ESRRG: variants seen among roughly 807,000 people sequenced by gnomAD.
ESRRG encodes the protein estrogen related receptor gamma, also known as estrogen-related receptor gamma.
A neutral mutation model predicts 44.0 loss-of-function variants in ESRRG; 13 were observed. The ratio of observed to expected loss-of-function variants is 0.30; its 90% CI spans 0.19 to 0.47. The LOEUF is 0.47. Ranked by LOEUF, ESRRG falls within the 20% of genes least tolerant of loss-of-function variation. ESRRG has a pLI of 1.00. For missense variants in ESRRG, 395 were observed against 580.6 expected, an observed-to-expected ratio of 0.68 and a Z score of 3.29; for synonymous variants, 215 against 214.6, an observed-to-expected ratio of 1.00 and a Z score of -0.02.
In ESRRG at chr1:216,640,841, G is replaced by T. The variant is rs80117607; in HGVS notation, c.589+10132C>A. The stretch of plus-strand genomic sequence containing the variant: ...CGTTGGTGACAAGGAACAAAAATCT[G>T]TTGTTTGAAGGCTGGTGGGGAAAAA... On this transcript the variant is annotated intron_variant, in intron 3 of 6. Transcript: ENST00000408911. 2.6e-5 allele frequency among the ~76,000 whole-genome samples: 4 copies of T among 152,268 alleles called. No homozygotes were observed. In the East Asian group the frequency reaches 7.7e-4, roughly 29 times the overall value.
chr1:216,722,531 G>A (rs557068287), intron 1 of ESRRG, among the ~76,000 whole-genome samples: 1 of 151,730 alleles, frequency 6.6e-6, no homozygotes, highest in Admixed American at 6.6e-5. Context: ...CAACAAACGA[G>A]ACAAATCCAC....
At chr1:216,761,869 T>C (rs1321730400) in intron 2 of ESRRG, among the ~76,000 whole-genome samples, 1 of 152,102 alleles carries the variant, frequency 6.6e-6, no homozygotes, top group African/African-American at 2.4e-5. Context: ...TCCCCAGTTT[T>C]CAGGGAATCA....
intron 2 of ESRRG, among the ~76,000 whole-genome samples, chr1:216,861,142 T>C (rs538056290): frequency 6.6e-6 from 1 of 151,824 alleles, no homozygotes; most frequent in Admixed American, 6.6e-5. Context: ...ATAAAATTTA[T>C]TCAGTTAATC....
chr1:216,955,887 T>C (rs971800584), intron 1 of ESRRG, among the ~76,000 whole-genome samples: 1 of 152,140 alleles, frequency 6.6e-6, no homozygotes, highest in African/African-American at 2.4e-5. Flanking sequence ...CCATTTCTAA[T>C]TGAATTATTT....
rs923328454 is a variant in ESRRG, at chr1:216,698,603, C to CT, written c.57-21113dup. ...GCAAACTCTGCTCATAACTAAGCCT[C>CT]TTTTTTTATGGGAAAATCACAAACC... On this transcript the variant is annotated intron_variant, in intron 1 of 6. Transcript: ENST00000408911. 5.3e-5 allele frequency among the ~76,000 whole-genome samples: 8 copies of CT among 151,342 alleles called. 1 individual carries two copies. Among genetic ancestry groups the CT allele is most frequent in the East Asian group, 3.9e-4 (2 of 5,150 alleles).
At chr1:217,099,621 A>G (rs2092477284) in intron 1 of ESRRG, among the ~76,000 whole-genome samples, 1 of 152,210 alleles carries the variant, frequency 6.6e-6, no homozygotes, top group Non-Finnish European at 1.5e-5. Context: ...CTCTGGTGCA[A>G]AAATGGTCAT....
intron 3 of ESRRG, among the ~76,000 whole-genome samples, chr1:216,631,461 T>C (rs2064165524): frequency 6.6e-6 from 1 of 152,240 alleles, no homozygotes; most frequent in Non-Finnish European, 1.5e-5. Context: ...CTAAGATGTT[T>C]AGAAGTACTA....
In ESRRG at chr1:217,135,622, C is replaced by G. The variant is rs541151146; in HGVS notation, c.-230+2045G>C. 4.9e-3 allele frequency among the ~76,000 whole-genome samples: 742 copies of G among 152,202 alleles called. 6 individuals carry two copies. Among genetic ancestry groups the G allele is most frequent in the African/African-American group, 0.017 (700 of 41,556 alleles). On this transcript the variant is annotated intron_variant, in intron 1 of 8. Coordinates refer to the ESRRG transcript ENST00000366940. ...CCCGCGCGCGCGAAGCGGGGTCAGG[C>G]GCGGACCCACATTCACCGACTGCAG...
intron 2 of ESRRG, among the ~76,000 whole-genome samples, chr1:216,761,748 C>T (rs1160358471): frequency 2.6e-5 from 4 of 152,250 alleles, no homozygotes; most frequent in Middle Eastern, 6.8e-3. Context: ...TACCTTAATA[C>T]TTGTCAAGTA....
At chr1:216,858,288 T>A (rs1397681475) in intron 2 of ESRRG, among the ~76,000 whole-genome samples, 36 of 149,718 alleles carry the variant, frequency 2.4e-4, no homozygotes, top group Non-Finnish European at 4.3e-4. Context: ...AAAAAAAAAA[T>A]TAGCCAGGCG....
intron 1 of ESRRG, among the ~76,000 whole-genome samples, chr1:216,989,818 A>G (rs1056310183): frequency 6.6e-6 from 1 of 152,136 alleles, no homozygotes; most frequent in East Asian, 1.9e-4. Context: ...TTTCCACTGG[A>G]AAGTCCTGGT....
At chr1:216,825,161 G>A (rs1404756978) in intron 2 of ESRRG, among the ~76,000 whole-genome samples, 1 of 152,144 alleles carries the variant, frequency 6.6e-6, no homozygotes, top group East Asian at 1.9e-4. Context: ...TGCAGGAAAT[G>A]CAGGCATCAT....
intron 1 of ESRRG, among the ~76,000 whole-genome samples, chr1:217,080,091 T>G (rs924025572): frequency 5.3e-5 from 8 of 152,230 alleles, no homozygotes; most frequent in African/African-American, 1.9e-4. Context: ...TAAATATATA[T>G]GAATTGACCA....
intron 1 of ESRRG, among the ~76,000 whole-genome samples, chr1:216,989,027 G>A (rs146881451): frequency 1.3e-5 from 2 of 152,302 alleles, no homozygotes; most frequent in African/African-American, 4.8e-5. Flanking sequence ...GGCAGATGCT[G>A]GAGATAGAGC....
chr1:217,021,957 C>T (rs970454126), intron 1 of ESRRG, among the ~76,000 whole-genome samples: 1 of 152,080 alleles, frequency 6.6e-6, no homozygotes, highest in African/African-American at 2.4e-5. Context: ...TTCTCTTTTC[C>T]CCATTCTAAA....
intron 2 of ESRRG, among the ~76,000 whole-genome samples, chr1:216,885,140 C>A (rs2096496837): frequency 6.7e-6 from 1 of 149,766 alleles, no homozygotes; most frequent in African/African-American, 2.5e-5. Context: ...AGGAAGGCAG[C>A]AAGATACATG....
chr1:216,933,487 G>A (rs188439916), intron 2 of ESRRG, among the ~76,000 whole-genome samples: 345 of 152,146 alleles, frequency 2.3e-3, no homozygotes, highest in African/African-American at 6.0e-3. Context: ...TTTCTGTGGT[G>A]TAAATACTCC....
At chr1:216,556,547 C>T (rs1024968155) in intron 5 of ESRRG, among the ~76,000 whole-genome samples, 10 of 152,138 alleles carry the variant, frequency 6.6e-5, no homozygotes, top group African/African-American at 2.4e-4. Flanking sequence ...TGCAGTTCAA[C>T]TCAGGTCATC....
chr1:217,051,875 C>A (rs2086111775), intron 1 of ESRRG, among the ~76,000 whole-genome samples: 1 of 151,540 alleles, frequency 6.6e-6, no homozygotes, highest in African/African-American at 2.4e-5. Flanking sequence ...CAATCCTCCC[C>A]CCTCAGCCTC....
Sources: allele counts gnomAD v4.1 joint callset (sites outside exome capture counted in the v4.1 genomes callset), GRCh38; gene constraint gnomAD v4.1.1; transcripts MANE v1.5; gene names NCBI Gene and HGNC (gene_info 2026-07-23, HGNC 2026-07-21).